CHST15: variants seen among roughly 807,000 people sequenced by gnomAD.
The protein encoded by CHST15 is B cell RAG associated protein (GALNAC4S-6ST).
In CHST15, 30 loss-of-function variants were observed where a neutral mutation model predicts 53.6. That is an observed-to-expected ratio of 0.56 (90% CI 0.42 to 0.76). The LOEUF (loss-of-function observed/expected upper bound fraction) is 0.76. CHST15 is among the 30% of genes least tolerant of loss of function. The probability of loss-of-function intolerance (pLI) is 0.00; values close to 1 mark genes in which losing one functional copy is unlikely to be tolerated. For missense variants in CHST15, 627 were observed against 740.5 expected, an observed-to-expected ratio of 0.85 and a Z score of 1.78; for synonymous variants, 296 against 289.8, an observed-to-expected ratio of 1.02 and a Z score of -0.22.
rs934128859 is a variant in CHST15, at chr10:124,093,488, C to G, written c.-532G>C. 4 of 152,248 alleles carry G rather than the reference C, an allele frequency of 2.6e-5. No homozygotes were observed. Among genetic ancestry groups the G allele is most frequent in the African/African-American group, 9.7e-5 (4 of 41,430 alleles). The allele number at this position is 152,248 out of a possible 1,614,324, so 9.4% of individuals were successfully genotyped here. A position where few individuals can be genotyped will look rare whatever the true frequency, so the allele number is the denominator to read the frequency against. On this transcript the variant is annotated 5_prime_UTR_variant, in exon 1 of 8. Transcript: ENST00000435907. The stretch of plus-strand genomic sequence containing the variant: ...TTGTACCTGAGAAGCCTGAGTCCAG[C>G]CCGGGAGCCTCTGCGGCTCCGGCTC...
chr10:124,011,279 G>A (rs1421231382), intron 7 of CHST15, among the ~76,000 whole-genome samples: 1 of 152,158 alleles, frequency 6.6e-6, no homozygotes, highest in Admixed American at 6.5e-5. Context: ...AGCATCCTAG[G>A]GCCATATGAA....
At chr10:124,062,082 G>C (rs1338644441) in intron 1 of CHST15, among the ~76,000 whole-genome samples, 1 of 151,240 alleles carries the variant, frequency 6.6e-6, no homozygotes, top group Non-Finnish European at 1.5e-5. Flanking sequence ...AGCCGGGAAG[G>C]ACATTTTCCC....
In CHST15 at chr10:124,045,942, AG is replaced by A; in HGVS notation, c.270del (p.Leu91TrpfsTer2). 1 of 1,613,994 alleles carries A rather than the reference AG, an allele frequency of 6.2e-7. No homozygotes were observed. Among genetic ancestry groups the A allele is most frequent in the Non-Finnish European group, 8.5e-7 (1 of 1,179,990 alleles). On this transcript the variant is annotated frameshift_variant, in exon 2 of 8. Transcript: ENST00000435907. LOFTEE classifies it high-confidence loss of function. Reference protein sequence around the residue: ...CSLVFGLIIMTLVMASYILSG... With the variant: ...CSLVFGLIIMXLVMASYILSG... Reference sequence around the variant, plus strand: ...GAAAGGATGTAAGAAGCCATTACCAAGGTCATTATTATCAGTCCAAAAACGA... The same window carrying A: ...GAAAGGATGTAAGAAGCCATTACCAAGTCATTATTATCAGTCCAAAAACGA...
In CHST15 at chr10:124,019,887, C is replaced by T. The variant is rs943761423; in HGVS notation, c.1347+1369G>A. 14 of 985,846 alleles carry T rather than the reference C, an allele frequency of 1.4e-5. No homozygotes were observed. The highest frequency in any genetic ancestry group is 5.2e-5 in the African/African-American group (3 of 57,236). The allele number at this position is 985,846 out of a possible 1,614,324, so 61.1% of individuals were successfully genotyped here. A position where few individuals can be genotyped will look rare whatever the true frequency, so the allele number is the denominator to read the frequency against. On this transcript the variant is annotated intron_variant, in intron 6 of 7. Coordinates refer to ENST00000435907, the MANE Select transcript of CHST15 (RefSeq NM_001270764.2). This position sits in a 1 kb window ranked among gnomAD's most constrained non-coding sequence, Gnocchi z 4.6. ...ATCTCCCACACCAGGCGGCTGGCTG[C>T]GTTCTGTATGGTAGGTGGTGCTGAC...
intron 5 of CHST15, among the ~76,000 whole-genome samples, chr10:124,035,339 CCCCTAACAGGGACCCTGGCTCCACT>C (rs1440528536): frequency 2.8e-5 from 4 of 143,124 alleles, no homozygotes; most frequent in East Asian, 2.2e-4. Context: ...CCTGGCTCCA[CCCCTAACAGGGACCCTGGCTCCACT>C]CCCTAACAGG....
intron 3 of CHST15, among the ~76,000 whole-genome samples, chr10:124,043,975 G>GA (rs1206416377): frequency 3.4e-5 from 5 of 147,900 alleles, no homozygotes; most frequent in South Asian, 2.1e-4. Flanking sequence ...GCACAGAGCA[G>GA]GGAGCAGCAC....
chr10:124,062,807 C>T (rs1477253517), intron 1 of CHST15, among the ~76,000 whole-genome samples: 1 of 152,106 alleles, frequency 6.6e-6, no homozygotes, highest in Non-Finnish European at 1.5e-5. Flanking sequence ...AATCACACTG[C>T]AAGTAAGAGG....
chr10:124,047,744 T>TA (rs1330574816), intron 1 of CHST15, among the ~76,000 whole-genome samples: 2 of 152,240 alleles, frequency 1.3e-5, no homozygotes, highest in Non-Finnish European at 2.9e-5. Context: ...GCCACATATT[T>TA]AGCATACCAT....
chr10:124,059,998 CCAGA>C (rs1434994649), intron 1 of CHST15, among the ~76,000 whole-genome samples: 5 of 152,136 alleles, frequency 3.3e-5, no homozygotes, highest in Non-Finnish European at 7.4e-5. Flanking sequence ...TTTTCTGCCC[CCAGA>C]CAGACCCAGC....
chr10:124,078,541 G>A (rs887389525), intron 1 of CHST15, among the ~76,000 whole-genome samples: 16 of 152,180 alleles, frequency 1.1e-4, no homozygotes, highest in African/African-American at 3.9e-4. Context: ...GAATCTCTCA[G>A]ATCTGAGGTA....
At chr10:124,067,806 G>A (rs572789419) in intron 1 of CHST15, among the ~76,000 whole-genome samples, 37 of 152,142 alleles carry the variant, frequency 2.4e-4, no homozygotes, top group Middle Eastern at 3.4e-3. Flanking sequence ...TAGTAGAGAC[G>A]GGGTTTCACC....
At chr10:124,066,336 C>T (rs183067753) in intron 1 of CHST15, among the ~76,000 whole-genome samples, 166 of 152,198 alleles carry the variant, frequency 1.1e-3, no homozygotes, top group Non-Finnish European at 2.1e-3. Context: ...TAACACACTG[C>T]GAGTCTGGGA....
intron 5 of CHST15, among the ~76,000 whole-genome samples, chr10:124,035,082 C>T (rs540984353): frequency 1.4e-5 from 2 of 146,454 alleles, no homozygotes; most frequent in Non-Finnish European, 3.0e-5. Context: ...CTAACAGGGA[C>T]GCCGGCTCCA....
intron 3 of CHST15, among the ~76,000 whole-genome samples, chr10:124,043,346 G>C (rs532093424): frequency 2.0e-5 from 3 of 152,340 alleles, no homozygotes; most frequent in African/African-American, 7.2e-5. Flanking sequence ...CAAATGCATA[G>C]GGATGTGAAA....
At chr10:124,033,696 G>A (rs1341039572) in intron 5 of CHST15, among the ~76,000 whole-genome samples, 3 of 152,178 alleles carry the variant, frequency 2.0e-5, no homozygotes, top group Admixed American at 1.3e-4. Context: ...GTAGCCTCTC[G>A]CCAAAAGCCA....
intron 4 of CHST15, 21 bp downstream of exon 4, chr10:124,042,280 A>G (rs750006812): frequency 4.4e-6 from 7 of 1,598,638 alleles, no homozygotes. Flanking sequence ...TAGCCCTGCC[A>G]GAGTGACACA....
chr10:124,087,666 T>C (rs374117773), intron 1 of CHST15, among the ~76,000 whole-genome samples: 1 of 152,304 alleles, frequency 6.6e-6, no homozygotes, highest in Non-Finnish European at 1.5e-5. Flanking sequence ...TCTAGAAATG[T>C]AAAATAGGCA....
At chr10:124,017,446 C>T (rs1406788919) in intron 6 of CHST15, among the ~76,000 whole-genome samples, 1 of 152,134 alleles carries the variant, frequency 6.6e-6, no homozygotes, top group Admixed American at 6.5e-5. Flanking sequence ...TCCCACCCAC[C>T]TATCGGGTTT....
intron 6 of CHST15, among the ~76,000 whole-genome samples, chr10:124,013,724 G>GA (rs1430034465): frequency 3.3e-5 from 5 of 152,154 alleles, no homozygotes; most frequent in East Asian, 3.9e-4. Flanking sequence ...AAAGCTTCCA[G>GA]AAAAAAACAG....
Sources: gnomAD v4.1 joint callset for allele counts (sites outside exome capture counted in the v4.1 genomes callset) on GRCh38, gnomAD v4.1.1 for gene constraint, Gnocchi (gnomAD v3.1) non-coding constraint, MANE v1.5 for transcripts, NCBI Gene and HGNC (gene_info 2026-07-23, HGNC 2026-07-21) for gene names.